TMCO4: variants seen among roughly 807,000 people sequenced by gnomAD.
TMCO4 encodes transmembrane and coiled-coil domains 4.
Under a neutral mutation model 64.7 loss-of-function variants are expected in TMCO4, and 58 were observed. That is an observed-to-expected ratio of 0.90 (90% CI 0.73 to 1.12). The LOEUF (loss-of-function observed/expected upper bound fraction) is 1.12, where lower values mean the gene tolerates loss of function less well. Among genes scored for constraint, TMCO4 ranks in the 50% most tolerant of loss-of-function variants. TMCO4 has a pLI of 0.00. For missense variants in TMCO4, 780 were observed against 825.9 expected, an observed-to-expected ratio of 0.94 and a Z score of 0.68; for synonymous variants, 325 against 346.1, an observed-to-expected ratio of 0.94 and a Z score of 0.68.
At chr1:19,791,334 T>TA (rs58803246) in intron 2 of TMCO4, among the ~76,000 whole-genome samples, 19 of 143,524 alleles carry the variant, frequency 1.3e-4, no homozygotes, top group South Asian at 2.2e-4. Flanking sequence ...AAATTAAAAT[T>TA]AAAAAAAAAA....
chr1:19,710,008 C>T lies in TMCO4; in HGVS notation c.1265-9123G>A, dbSNP rs561674934. Among the ~76,000 whole-genome samples the T allele has an allele frequency of 4.3e-4, 66 of 152,012 alleles. 2 individuals are homozygous for T. The South Asian group carries it at 8.3e-3, about 19-fold the overall frequency. On this transcript the variant is annotated intron_variant, in intron 13 of 15. Transcript: ENST00000294543. ...GTTGGTCAGGCTGGTCTTGAATTCT[C>T]GACCTCAGGTGTTCTGCCCGCTTCA... is the stretch of plus-strand genomic sequence containing the variant.
At chr1:19,788,475 G>A (rs1159146410) in intron 2 of TMCO4, among the ~76,000 whole-genome samples, 1 of 152,054 alleles carries the variant, frequency 6.6e-6, no homozygotes, top group East Asian at 1.9e-4. Flanking sequence ...GCAGGGACCG[G>A]GATTGGATTC....
intron 15 of TMCO4, among the ~76,000 whole-genome samples, 158 bp from the exon 16 acceptor site, chr1:19,683,602 A>C (rs1394513756): frequency 6.6e-6 from 1 of 152,184 alleles, no homozygotes; most frequent in African/African-American, 2.4e-5. Context: ...TCTCAAATCC[A>C]GAGTGGGTGG....
At chr1:19,701,016 G>T in intron 13 of TMCO4, 131 bp from the exon 14 acceptor site, 1 of 698,746 alleles carries the variant, frequency 1.4e-6, no homozygotes. Context: ...GGACAATCAT[G>T]TGCAAATGTG....
intron 4 of TMCO4, among the ~76,000 whole-genome samples, chr1:19,772,397 A>G (rs1460387271): frequency 6.6e-6 from 1 of 152,206 alleles, no homozygotes; most frequent in Non-Finnish European, 1.5e-5. Flanking sequence ...GTCTCTGTCC[A>G]TAGTGGGCAT....
chr1:19,735,268 T>TC (rs1477345783), intron 13 of TMCO4, among the ~76,000 whole-genome samples: 1 of 152,080 alleles, frequency 6.6e-6, no homozygotes, highest in Non-Finnish European at 1.5e-5. Flanking sequence ...CGTTATGTCA[T>TC]CCCCCCATGA....
intron 13 of TMCO4, among the ~76,000 whole-genome samples, chr1:19,707,304 A>C (rs2095307609): frequency 6.6e-6 from 1 of 152,120 alleles, no homozygotes; most frequent in South Asian, 2.1e-4. Context: ...ATCTCAGTTT[A>C]TTAGTTCATG....
In TMCO4 at chr1:19,757,161, G is replaced by GT. The variant is rs570387894; in HGVS notation, c.383-1396_383-1395insA. Among the ~76,000 whole-genome samples the GT allele has an allele frequency of 8.8e-5, 13 of 148,312 alleles. 1 individual carries two copies. Among genetic ancestry groups the GT allele is most frequent in the South Asian group, 2.1e-4 (1 of 4,714 alleles). ...CAAAAATTAGCCAGGCGTGGTGGCGGGGGGGGGCGCCTGTAATTTCCAGCA... is the reference window on the plus strand; with the variant it reads ...CAAAAATTAGCCAGGCGTGGTGGCGGTGGGGGGGCGCCTGTAATTTCCAGCA... On this transcript the variant is annotated intron_variant, in intron 6 of 15. Coordinates refer to ENST00000294543, the MANE Select transcript of TMCO4 (RefSeq NM_181719.7).
At chr1:19,783,449 G>C (rs1167625492) in intron 3 of TMCO4, among the ~76,000 whole-genome samples, 1 of 152,126 alleles carries the variant, frequency 6.6e-6, no homozygotes, top group Non-Finnish European at 1.5e-5. Flanking sequence ...AAAAATTTTT[G>C]TTCTCAAAAT....
chr1:19,760,835 A>ACGT (rs2100971152), intron 6 of TMCO4, among the ~76,000 whole-genome samples: 1 of 152,368 alleles, frequency 6.6e-6, no homozygotes, highest in Admixed American at 6.5e-5. Context: ...TAATCTTTGT[A>ACGT]CGTAAGAGGA....
At chr1:19,797,800 G>C (rs2101181479) in intron 2 of TMCO4, among the ~76,000 whole-genome samples, 1 of 150,246 alleles carries the variant, frequency 6.7e-6, no homozygotes, top group African/African-American at 2.4e-5. Context: ...GGAGGCGGAG[G>C]TTGCAGTGAG....
At chr1:19,708,895 T>G (rs2095315807) in intron 13 of TMCO4, among the ~76,000 whole-genome samples, 1 of 152,190 alleles carries the variant, frequency 6.6e-6, no homozygotes. Context: ...GGTTCATGTG[T>G]GCAGCGAGTG....
chr1:19,762,736 G>A (rs759465380), intron 6 of TMCO4, among the ~76,000 whole-genome samples: 6 of 152,214 alleles, frequency 3.9e-5, no homozygotes. Context: ...GGAGCGGGGG[G>A]CAGGACAGCC....
Position 19,719,592 on chromosome 1 carries a change from G to A in TMCO4, c.1264+17780C>T, listed in dbSNP as rs143964611. On this transcript the variant is annotated intron_variant, in intron 13 of 15. Coordinates refer to ENST00000294543, the MANE Select transcript of TMCO4 (RefSeq NM_181719.7). ...CACCCAGGCTAGAGTACAGTGGTGCGATCATAGCCTGCTGCAACCTTGAGC... is the reference window on the plus strand; with the variant it reads ...CACCCAGGCTAGAGTACAGTGGTGCAATCATAGCCTGCTGCAACCTTGAGC... 1.2e-3 allele frequency among the ~76,000 whole-genome samples: 182 copies of A among 152,102 alleles called. 1 individual carries two copies. Among genetic ancestry groups the A allele is most frequent in the African/African-American group, 4.1e-3 (171 of 41,484 alleles).
At chr1:19,784,994 C>T (rs1421131059) in intron 3 of TMCO4, among the ~76,000 whole-genome samples, 1 of 152,208 alleles carries the variant, frequency 6.6e-6, no homozygotes, top group African/African-American at 2.4e-5. Context: ...ATGTCCTGTG[C>T]AATCCGGTTG....
chr1:19,777,703 G>GT (rs2043272138), intron 4 of TMCO4, among the ~76,000 whole-genome samples: 1 of 152,096 alleles, frequency 6.6e-6, no homozygotes, highest in Admixed American at 6.6e-5. Flanking sequence ...TTCTTGTTAA[G>GT]TGAAAAAAAC....
rs535337434 is a variant in TMCO4 at position 19,709,780 on chromosome 1, T to G, written c.1265-8895A>C. 3.3e-5 allele frequency among the ~76,000 whole-genome samples: 5 copies of G among 152,076 alleles called. No homozygotes were observed. The South Asian group carries it at 1.0e-3, about 32-fold the overall frequency. ...AAAAAAAGCTCTGGAATTCTATTTT[T>G]TTTTCTTTTCTTTCTTTTTTTTTTT... is the stretch of plus-strand genomic sequence containing the variant. On this transcript the variant is annotated intron_variant, in intron 13 of 15. Transcript: ENST00000294543.
At chr1:19,770,635 A>T in intron 5 of TMCO4, 66 bp from the exon 6 acceptor site, 1 of 1,521,836 alleles carries the variant, frequency 6.6e-7, no homozygotes, top group Non-Finnish European at 9.0e-7. Flanking sequence ...TCATTTGACA[A>T]ATATTGACTC....
chr1:19,791,857 T>C (rs1427957867), intron 2 of TMCO4, among the ~76,000 whole-genome samples: 1 of 152,206 alleles, frequency 6.6e-6, no homozygotes, highest in Non-Finnish European at 1.5e-5. Context: ...ATAGTTTGGC[T>C]GTGTCCCCAC....
Sources: gnomAD v4.1 joint callset for allele counts (sites outside exome capture counted in the v4.1 genomes callset) on GRCh38, gnomAD v4.1.1 for gene constraint, MANE v1.5 for transcripts, NCBI Gene and HGNC (gene_info 2026-07-23, HGNC 2026-07-21) for gene names.